Variants in ZNF726 observed in about 807,000 individuals in gnomAD.
ZNF726 encodes the protein zinc finger protein 726.
ZNF726 carries 15 observed loss-of-function variants against 11.6 expected under a neutral mutation model. The observed-to-expected ratio is 1.29, with a 90% CI of 0.86 to 1.99. ZNF726 has a LOEUF of 1.99. ZNF726 is among the 30% of genes most tolerant of loss of function. The probability of loss-of-function intolerance (pLI) is 0.00; values close to 1 mark genes in which losing one functional copy is unlikely to be tolerated. For missense variants in ZNF726, 890 were observed against 725.6 expected (o/e 1.23, Z -2.60); for synonymous variants, 295 against 243.6 (o/e 1.21, Z -1.96).
chr19:23,927,038 C>T (rs1368280042), intron 3 of ZNF726, among the ~76,000 whole-genome samples: 2 of 152,066 alleles, frequency 1.3e-5, no homozygotes, highest in African/African-American at 2.4e-5. Flanking sequence ...AGTGCAGTGG[C>T]ACTATCTCGG....
At chr19:23,941,569 T>C (rs1427292804) in intron 3 of ZNF726, among the ~76,000 whole-genome samples, 1 of 152,108 alleles carries the variant, frequency 6.6e-6, no homozygotes, top group Non-Finnish European at 1.5e-5. Context: ...ATTCTTTGAA[T>C]ATCTGGTAGA....
downstream of ZNF726, among the ~76,000 whole-genome samples, chr19:23,937,560 A>G (rs1449335262): frequency 6.6e-6 from 1 of 151,304 alleles, no homozygotes; most frequent in Non-Finnish European, 1.5e-5. Flanking sequence ...AGCCGGGCAG[A>G]GACGCTCCTC....
intron 3 of ZNF726, chr19:23,928,093 A>G (rs919308231): frequency 6.6e-6 from 1 of 152,180 alleles, no homozygotes; most frequent in Admixed American, 6.5e-5. Flanking sequence ...AAGCAGGTTT[A>G]TTAGAAGAAC....
chr19:23,932,232 T>G (rs777426252), intron 3 of ZNF726, 111 bp from the exon 4 acceptor site: 6 of 823,646 alleles, frequency 7.3e-6, no homozygotes, highest in Non-Finnish European at 9.9e-6. Flanking sequence ...GTCTGTGGTA[T>G]TTTGCAAAAC....
At chr19:23,919,628 T>G (rs1967793025) in intron 2 of ZNF726, 129 bp downstream of exon 2, 2 of 1,238,106 alleles carry the variant, frequency 1.6e-6, no homozygotes, top group South Asian at 1.7e-5. Flanking sequence ...TTTGTCTGTT[T>G]AGAAAAAATT....
At chr19:23,926,934 A>T (rs1046185608) in intron 3 of ZNF726, among the ~76,000 whole-genome samples, 2 of 152,136 alleles carry the variant, frequency 1.3e-5, no homozygotes, top group Non-Finnish European at 2.9e-5. Context: ...AAATTTTAAC[A>T]TTTTAAACAA....
At chr19:23,935,419 A>T (rs769757388), downstream of ZNF726, 1 of 522,142 alleles carries the variant, frequency 1.9e-6, no homozygotes, top group South Asian at 1.4e-5. Flanking sequence ...CAGTCCTCAC[A>T]TCTTACTACA....
chr19:23,915,598 T>G (rs1168554910), intron 1 of ZNF726, among the ~76,000 whole-genome samples: 1 of 152,116 alleles, frequency 6.6e-6, no homozygotes, highest in Non-Finnish European at 1.5e-5. Context: ...TTTTCTTTTT[T>G]TTTTGAGGCA....
chr19:23,919,674 C>T, intron 2 of ZNF726, 175 bp downstream of exon 2: 1 of 755,416 alleles, frequency 1.3e-6, no homozygotes, highest in African/African-American at 1.8e-5. Context: ...GAAATTTCCA[C>T]ATTCCTGAGC....
downstream of ZNF726, among the ~76,000 whole-genome samples, chr19:23,937,045 C>T (rs530546390): frequency 0.011 from 1,642 of 150,170 alleles, 33 homozygotes; most frequent in African/African-American, 0.038. Context: ...TGGGCAGAGG[C>T]GCCCCTCACC....
chr19:23,915,695 C>A (rs1018586205), intron 1 of ZNF726, among the ~76,000 whole-genome samples: 1 of 151,986 alleles, frequency 6.6e-6, no homozygotes, highest in Non-Finnish European at 1.5e-5. Flanking sequence ...ATTTTTCTGC[C>A]TCAGCCTCCC....
chr19:23,940,259 T>A (rs57841152), intron 3 of ZNF726, among the ~76,000 whole-genome samples: 2,360 of 152,292 alleles, frequency 0.015, 75 homozygotes, highest in African/African-American at 0.053. Flanking sequence ...CCAGCACCAT[T>A]TGTTGAAAAG....
chr19:23,937,952 T>A (rs956576960), downstream of ZNF726, among the ~76,000 whole-genome samples: 1 of 152,260 alleles, frequency 6.6e-6, no homozygotes. Flanking sequence ...AAATTATGTG[T>A]GAACTTAACT....
At chr19:23,921,659 C>T (rs945883895) in intron 3 of ZNF726, 1 of 151,684 alleles carries the variant, frequency 6.6e-6, no homozygotes. Context: ...AATGTTTTTT[C>T]CTCTATTTTA....
intron 1 of ZNF726, among the ~76,000 whole-genome samples, chr19:23,916,278 CT>C (rs1967696302): frequency 6.6e-6 from 1 of 152,056 alleles, no homozygotes; most frequent in African/African-American, 2.4e-5. Context: ...ACTTTATCAA[CT>C]ATTTGTCCTT....
At chr19:23,926,243 A>G (rs73530062) in intron 3 of ZNF726, among the ~76,000 whole-genome samples, 595 of 152,110 alleles carry the variant, frequency 3.9e-3, no homozygotes, top group African/African-American at 0.014. Context: ...TGTTTTCCCT[A>G]TATATTTTAA....
At chr19:23,937,090 A>ACC (rs538947603), downstream of ZNF726, among the ~76,000 whole-genome samples, 63 of 135,946 alleles carry the variant, frequency 4.6e-4, no homozygotes, top group East Asian at 1.8e-3. Context: ...CGGGGGGCTG[A>ACC]CCCCCCCCAC....
chr19:23,921,600 G>A (rs1167603257), intron 3 of ZNF726: 1 of 151,978 alleles, frequency 6.6e-6, no homozygotes, highest in African/African-American at 2.4e-5. Context: ...TTTATGAGCT[G>A]CTTGGTTAAA....
chr19:23,926,273 G>C (rs1967984926), intron 3 of ZNF726, among the ~76,000 whole-genome samples: 1 of 151,992 alleles, frequency 6.6e-6, no homozygotes. Flanking sequence ...GAAGTTATCC[G>C]GTCGGGTGCG....
Sources: gnomAD v4.1 joint callset for allele counts (sites outside exome capture counted in the v4.1 genomes callset) on GRCh38, gnomAD v4.1.1 for gene constraint, MANE v1.5 for transcripts, NCBI Gene and HGNC (gene_info 2026-07-23, HGNC 2026-07-21) for gene names.